PCDHAC2: variants seen among roughly 807,000 people sequenced by gnomAD.
The protein encoded by PCDHAC2 is protocadherin alpha subfamily C, 2.
A neutral mutation model predicts 63.3 loss-of-function variants in PCDHAC2; 24 were observed. That is an observed-to-expected ratio of 0.38 (90% CI 0.27 to 0.53). PCDHAC2 has a LOEUF of 0.53. Among genes scored for constraint, PCDHAC2 ranks in the 20% least tolerant of loss-of-function variants. PCDHAC2 has a pLI of 0.81. For synonymous variants in PCDHAC2, 569 were observed against 529.4 expected, an observed-to-expected ratio of 1.07 and a Z score of -1.03; for missense variants, 1,181 against 1,275.2, an observed-to-expected ratio of 0.93 and a Z score of 1.12.
chr5:140,989,128 G>A (rs2097330831), intron 3 of PCDHAC2: 1 of 152,178 alleles, frequency 6.6e-6, no homozygotes, highest in Non-Finnish European at 1.5e-5. Flanking sequence ...AGAAAAATAA[G>A]ACACTTTATC....
chr5:140,989,253 G>A (rs886150768), intron 3 of PCDHAC2, among the ~76,000 whole-genome samples: 4 of 152,194 alleles, frequency 2.6e-5, no homozygotes, highest in Non-Finnish European at 1.5e-5. Flanking sequence ...CTTGTCAAAA[G>A]GGAGATTCAA....
intron 1 of PCDHAC2, among the ~76,000 whole-genome samples, chr5:140,974,578 C>T (rs1554236214): frequency 6.6e-6 from 1 of 152,170 alleles, no homozygotes; most frequent in Admixed American, 6.5e-5. Flanking sequence ...ATGGCATGAT[C>T]TTGGCTCACT....
chr5:140,991,445 A>G (rs1352709310), intron 3 of PCDHAC2, among the ~76,000 whole-genome samples: 1 of 152,222 alleles, frequency 6.6e-6, no homozygotes, highest in African/African-American at 2.4e-5. Flanking sequence ...CATGGCTTAA[A>G]ACAACACAAT....
intron 3 of PCDHAC2, among the ~76,000 whole-genome samples, chr5:140,986,473 CA>C (rs1217616254): frequency 6.6e-6 from 1 of 152,192 alleles, no homozygotes; most frequent in Non-Finnish European, 1.5e-5. Context: ...CTCTTGTGAT[CA>C]GTTCCTAGGG....
rs1563376756 is a variant in PCDHAC2, at chr5:140,968,306, C to G, written c.1540C>G (p.Gln514Glu). 1.9e-6 allele frequency: 3 copies of G among 1,613,808 alleles called. No individual in the cohort carries two copies. The highest frequency in any genetic ancestry group is 2.5e-6 in the Non-Finnish European group (3 of 1,179,908). The change falls in exon 1 of 4, where the codon CAA (glutamine) becomes GAA (glutamate). Residue 514 changes from glutamine (Q) to glutamate (E), a missense_variant. Transcript: ENST00000289269. ...CTACTCCCTTCTGGAGAGGGAGATT[C>G]AAGGGCTGCCAGTCACCTCCTATGT... is the stretch of plus-strand genomic sequence containing the variant. ...VTYSLLEREI[Q>E]GLPVTSYVSI...
chr5:141,000,805 G>C (rs1049253262), intron 3 of PCDHAC2, among the ~76,000 whole-genome samples: 2 of 151,852 alleles, frequency 1.3e-5, no homozygotes, highest in Non-Finnish European at 2.9e-5. Context: ...TACTCAGAAG[G>C]CTGAGGTGGG....
At chr5:140,996,302 CAA>C (rs2097720989) in intron 3 of PCDHAC2, among the ~76,000 whole-genome samples, 1 of 152,274 alleles carries the variant, frequency 6.6e-6, no homozygotes, top group Non-Finnish European at 1.5e-5. Flanking sequence ...CAGATTGTAA[CAA>C]AGTAAGGGGG....
At chr5:140,997,668 T>TTGTGTGTGTG (rs35184029) in intron 3 of PCDHAC2, among the ~76,000 whole-genome samples, 47 of 148,344 alleles carry the variant, frequency 3.2e-4, no homozygotes, top group East Asian at 1.8e-3. Flanking sequence ...ATTATACAGC[T>TTGTGTGTGTG]TGTGTGTGTG....
In PCDHAC2 at chr5:140,966,950, G is replaced by A. The variant is rs782713044; in HGVS notation, c.184G>A (p.Ala62Thr). 3 of 1,603,480 alleles carry A rather than the reference G, an allele frequency of 1.9e-6. No individual in the cohort carries two copies. Among genetic ancestry groups the A allele is most frequent in the Non-Finnish European group, 2.5e-6 (3 of 1,178,412 alleles). Residue 62 changes from alanine (A) to threonine (T), a missense_variant, in exon 1 of 4, where the codon GCT becomes ACT. Coordinates refer to ENST00000289269, the MANE Select transcript of PCDHAC2 (RefSeq NM_018899.6). ...ACCCGGCGCGCTCGTGGGCAACGTGGCTCGCGCGCTGGGGCTTGAGCTGCG... is the reference window on the plus strand; with the variant it reads ...ACCCGGCGCGCTCGTGGGCAACGTGACTCGCGCGCTGGGGCTTGAGCTGCG... ...QAPGALVGNVARALGLELRRL... is the reference protein window; with the variant it reads ...QAPGALVGNVTRALGLELRRL...
In PCDHAC2 at chr5:140,969,201, G is replaced by A. The variant is rs2096306183; in HGVS notation, c.2435G>A (p.Gly812Glu). The A allele has an allele frequency of 1.2e-6, 2 of 1,614,110 alleles. No homozygotes were observed. The highest frequency in any genetic ancestry group is 1.7e-6 in the Non-Finnish European group (2 of 1,180,008). Residue 812 changes from glycine (G) to glutamate (E), a missense_variant, in exon 1 of 4, where the codon GGG becomes GAG. Around this residue, in one of 3 missense-constraint regions of PCDHAC2, gnomAD observed 968 missense variants for 1,073.5 expected, o/e 0.90. Coordinates refer to ENST00000289269, the MANE Select transcript of PCDHAC2 (RefSeq NM_018899.6). ...GACACTTTCATGTTTTACAATACAG[G>A]GGCCCAGACAGGACCAGGGCCTTCG... The part of the protein sequence containing the change: ...GSDTFMFYNT[G>E]AQTGPGPSGA...
At chr5:140,979,168 G>T in intron 2 of PCDHAC2, 161 bp downstream of exon 2, 6 of 966,502 alleles carry the variant, frequency 6.2e-6, no homozygotes, top group Non-Finnish European at 7.4e-6. Context: ...TTCCTTGAAA[G>T]ATCGCAAATG....
At chr5:141,005,610 G>C (rs1184044588) in intron 3 of PCDHAC2, among the ~76,000 whole-genome samples, 1 of 147,582 alleles carries the variant, frequency 6.8e-6, no homozygotes, top group Non-Finnish European at 1.5e-5. Context: ...GCTGAGGCAG[G>C]AGAATGGCGT....
Position 140,966,543 on chromosome 5 carries a change from A to C in PCDHAC2, c.-224A>C, listed in dbSNP as rs200134570. Reference sequence around the variant, plus strand: ...AGCCGAGCCGGGTTGAGCGACTCGGAGGCGAGCGGAGGAGCTGGAATATGG... The same window carrying C: ...AGCCGAGCCGGGTTGAGCGACTCGGCGGCGAGCGGAGGAGCTGGAATATGG... On this transcript the variant is annotated 5_prime_UTR_variant, in exon 1 of 4. Coordinates refer to ENST00000289269, the MANE Select transcript of PCDHAC2 (RefSeq NM_018899.6). The C allele has an allele frequency of 6.5e-6, 3 of 461,074 alleles. No individual in the cohort carries two copies. The highest frequency in any genetic ancestry group is 4.3e-5 in the Admixed American group (1 of 23,084). 28.6% of individuals were successfully genotyped at this position (461,074 alleles called of 1,614,324 possible). A position where few individuals can be genotyped will look rare whatever the true frequency, so the allele number is the denominator to read the frequency against.
chr5:140,993,949 T>C (rs1330727166), intron 3 of PCDHAC2, among the ~76,000 whole-genome samples: 1 of 152,204 alleles, frequency 6.6e-6, no homozygotes, highest in Non-Finnish European at 1.5e-5. Flanking sequence ...TGTTAAGTGA[T>C]ACATGACTGT....
At chr5:140,992,820 TG>T (rs1554253214) in intron 3 of PCDHAC2, among the ~76,000 whole-genome samples, 1 of 152,164 alleles carries the variant, frequency 6.6e-6, no homozygotes, top group Non-Finnish European at 1.5e-5. Flanking sequence ...AGGATGTGTT[TG>T]TTTTTTGGGA....
At position 141,011,322 on chromosome 5, in the gene PCDHAC2, C is replaced by T. The variant is rs1210973958; in HGVS notation, c.*1385C>T. The T allele has an allele frequency of 2.0e-5, 3 of 153,698 alleles. No individual in the cohort carries two copies. The highest frequency in any genetic ancestry group is 7.2e-5 in the African/African-American group (3 of 41,430). The allele number at this position is 153,698 out of a possible 1,614,324, so 9.5% of individuals were successfully genotyped here. On this transcript the variant is annotated 3_prime_UTR_variant, in exon 4 of 4. Coordinates refer to ENST00000289269, the MANE Select transcript of PCDHAC2 (RefSeq NM_018899.6). Reference sequence around the variant, plus strand: ...CTCTGAATTGCTAATCTTACTAACACCTATGATGTTACCTGAAATCAATCT... The same window carrying T: ...CTCTGAATTGCTAATCTTACTAACATCTATGATGTTACCTGAAATCAATCT...
chr5:141,006,843 T>A (rs2098291274), intron 3 of PCDHAC2, among the ~76,000 whole-genome samples: 1 of 152,154 alleles, frequency 6.6e-6, no homozygotes, highest in Non-Finnish European at 1.5e-5. Context: ...TTACTGAAAC[T>A]GGAAAGATTT....
chr5:141,000,361 G>C (rs1253295818), intron 3 of PCDHAC2, among the ~76,000 whole-genome samples: 2 of 26,450 alleles, frequency 7.6e-5, no homozygotes, highest in Non-Finnish European at 1.2e-4. Context: ...GTCTCTCTCT[G>C]TCTCTCTCTC....
In PCDHAC2 at chr5:141,011,437, GA is replaced by G. The variant is rs1196462702; in HGVS notation, c.*1501del. The G allele has an allele frequency of 2.6e-5, 4 of 153,726 alleles. No homozygotes were observed. Among genetic ancestry groups the G allele is most frequent in the African/African-American group, 9.7e-5 (4 of 41,440 alleles). 9.5% of individuals were successfully genotyped at this position (153,726 alleles called of 1,614,324 possible). ...TGAATGTTAATGCAACTATTACCTA[GA>G]GTGAACTTTAAGCTTTATTGTTGAA... is the stretch of plus-strand genomic sequence containing the variant. On this transcript the variant is annotated 3_prime_UTR_variant, in exon 4 of 4. Transcript: ENST00000289269.
Sources: gnomAD v4.1 joint callset for allele counts (sites outside exome capture counted in the v4.1 genomes callset) on GRCh38, gnomAD v4.1.1 for gene constraint, gnomAD v4.1.1 regional missense constraint, MANE v1.5 for transcripts, NCBI Gene and HGNC (gene_info 2026-07-23, HGNC 2026-07-21) for gene names.